The following TEAD1 variants were observed in gnomAD, a reference collection of about 807,000 sequenced individuals.
TEAD1 encodes the protein transcriptional enhancer factor TEF-1.
TEAD1 carries 9 observed loss-of-function variants against 54.9 expected under a neutral mutation model. That is an observed-to-expected ratio of 0.16 (90% confidence interval 0.10 to 0.29). TEAD1 has a LOEUF of 0.29. Among genes scored for constraint, TEAD1 ranks in the 10% least tolerant of loss-of-function variants. TEAD1 has a pLI of 1.00. For synonymous variants in TEAD1, 200 were observed against 187.8 expected (o/e 1.07, Z -0.53); for missense variants, 387 against 535.9 (o/e 0.72, Z 2.74).
intron 2 of TEAD1, among the ~76,000 whole-genome samples, chr11:12,716,830 C>G (rs1196625287): frequency 1.3e-5 from 2 of 152,360 alleles, no homozygotes; most frequent in Admixed American, 1.3e-4. Context: ...GGCCTGTGAG[C>G]CATGGTTTGC....
At position 12,913,300 on chromosome 11, in the gene TEAD1, G is replaced by T. The variant is rs984985579; in HGVS notation, c.873+11187G>T. Among the ~76,000 whole-genome samples, 8 of 152,090 alleles carry T rather than the reference G, an allele frequency of 5.3e-5. No homozygotes were observed. In the South Asian group the frequency reaches 8.3e-4, roughly 16 times the overall value. On this transcript the variant is annotated intron_variant, in intron 10 of 12. Transcript: ENST00000527636. ...TTTTTAAATTAAAAAAGTGATGCAG[G>T]TTTGTTATGAATAGTTTGAGCAGTT...
Position 12,936,120 on chromosome 11 carries a change from CAG to C in TEAD1, c.1168-986_1168-985del, listed in dbSNP as rs1949095178. On this transcript the variant is annotated intron_variant, in intron 12 of 12. Coordinates refer to ENST00000527636, the MANE Select transcript of TEAD1 (RefSeq NM_021961.6). ...TTGGCGTAATCAAACACAAAAGTAACAGAGTCACTGACGCGTTTCATGTTTTT... is the reference window on the plus strand; with the variant it reads ...TTGGCGTAATCAAACACAAAAGTAACAGTCACTGACGCGTTTCATGTTTTT... Among the ~76,000 whole-genome samples the C allele has an allele frequency of 2.6e-5, 4 of 152,134 alleles. No individual in the cohort carries two copies. The South Asian group carries it at 6.2e-4, about 24-fold the overall frequency.
chr11:12,803,025 C>A (rs1590166747), intron 3 of TEAD1, among the ~76,000 whole-genome samples: 4 of 152,162 alleles, frequency 2.6e-5, no homozygotes, highest in Admixed American at 2.6e-4. Flanking sequence ...GCCGAGGAGA[C>A]TTCTCTCTAC....
intron 11 of TEAD1, among the ~76,000 whole-genome samples, chr11:12,925,335 G>A (rs1371763): frequency 0.47 from 71,224 of 152,016 alleles, 18,794 homozygotes; most frequent in South Asian, 0.65. Flanking sequence ...AGCAAGGCAC[G>A]TCTTCTCATG....
At chr11:12,682,995 A>G (rs1943255466) in intron 2 of TEAD1, among the ~76,000 whole-genome samples, 1 of 152,176 alleles carries the variant, frequency 6.6e-6, no homozygotes, top group South Asian at 2.1e-4. Flanking sequence ...TGTGGAGTGA[A>G]TGCAGCGGAG....
At chr11:12,839,970 T>C (rs12421067) in intron 3 of TEAD1, among the ~76,000 whole-genome samples, 6 of 151,798 alleles carry the variant, frequency 4.0e-5, no homozygotes, top group Admixed American at 2.0e-4. Context: ...GAAACGGGCC[T>C]GGCGCGGTGG....
intron 5 of TEAD1, among the ~76,000 whole-genome samples, chr11:12,875,492 A>G (rs1467702570): frequency 6.6e-6 from 1 of 152,228 alleles, no homozygotes; most frequent in African/African-American, 2.4e-5. Flanking sequence ...ATTTCAAGAT[A>G]TCCCTGGTGG....
intron 2 of TEAD1, among the ~76,000 whole-genome samples, chr11:12,737,315 A>G (rs1297226075): frequency 1.4e-5 from 2 of 140,916 alleles, no homozygotes; most frequent in African/African-American, 2.8e-5. Context: ...ACTAAAATCA[A>G]TGAAAGACTA....
At chr11:12,728,207 G>A (rs551491695) in intron 2 of TEAD1, among the ~76,000 whole-genome samples, 3 of 152,280 alleles carry the variant, frequency 2.0e-5, no homozygotes, top group East Asian at 3.9e-4. Flanking sequence ...AGCAAAGGAG[G>A]GAGCTAAGGG....
chr11:12,760,472 C>T (rs1945077614), intron 2 of TEAD1, among the ~76,000 whole-genome samples: 1 of 152,168 alleles, frequency 6.6e-6, no homozygotes. Flanking sequence ...ATATTCCCCT[C>T]CCTTCCTCTC....
chr11:12,738,075 A>G (rs913019998), intron 2 of TEAD1, among the ~76,000 whole-genome samples: 2 of 152,202 alleles, frequency 1.3e-5, no homozygotes, highest in Non-Finnish European at 2.9e-5. Flanking sequence ...TGCCCCCATG[A>G]TTCACTTATC....
intron 3 of TEAD1, among the ~76,000 whole-genome samples, chr11:12,797,492 ACC>A (rs1305320072): frequency 6.6e-6 from 1 of 150,818 alleles, no homozygotes; most frequent in African/African-American, 2.4e-5. Context: ...CTGGTGTGCC[ACC>A]CACCCCATCC....
At chr11:12,716,064 C>T (rs954767656) in intron 2 of TEAD1, among the ~76,000 whole-genome samples, 1 of 151,886 alleles carries the variant, frequency 6.6e-6, no homozygotes, top group East Asian at 1.9e-4. Flanking sequence ...ATGAACAGAC[C>T]TCACAGAGAG....
intron 3 of TEAD1, among the ~76,000 whole-genome samples, chr11:12,837,998 T>C (rs1216038101): frequency 6.6e-6 from 1 of 152,060 alleles, no homozygotes; most frequent in Non-Finnish European, 1.5e-5. Flanking sequence ...GTTTTCACCA[T>C]GTTGGCCAGG....
Position 12,937,795 on chromosome 11 carries a change from C to CT in TEAD1, c.*582dup, listed in dbSNP as rs905683372. On this transcript the variant is annotated 3_prime_UTR_variant, in exon 13 of 13. Coordinates refer to ENST00000527636, the MANE Select transcript of TEAD1 (RefSeq NM_021961.6). The stretch of plus-strand genomic sequence containing the variant: ...CACTAAATTATTTTTTAAATGAAAC[C>CT]TTTTTTTTTCTTTTTGAAACCAAAT... The CT allele has an allele frequency of 5.6e-4, 85 of 151,368 alleles. 1 individual carries two copies. Among genetic ancestry groups the CT allele is most frequent in the African/African-American group, 1.7e-3 (68 of 41,118 alleles). The allele number at this position is 151,368 out of a possible 1,614,324, so 9.4% of individuals were successfully genotyped here. A position where few individuals can be genotyped will look rare whatever the true frequency, so the allele number is the denominator to read the frequency against.
intron 2 of TEAD1, among the ~76,000 whole-genome samples, chr11:12,747,048 CCAGTGAGTCTCTTTTATCT>C (rs1199695047): frequency 1.2e-4 from 19 of 152,200 alleles, no homozygotes; most frequent in Non-Finnish European, 2.1e-4. Context: ...GGTTTTGAGG[CCAGTGAGTCTCTTTTATCT>C]CACTCTGTGG....
At chr11:12,734,709 C>T (rs1195940047) in intron 2 of TEAD1, among the ~76,000 whole-genome samples, 1 of 152,124 alleles carries the variant, frequency 6.6e-6, no homozygotes, top group African/African-American at 2.4e-5. Flanking sequence ...TAGTAATATG[C>T]CGTACAGATC....
intron 3 of TEAD1, among the ~76,000 whole-genome samples, chr11:12,841,126 T>C (rs1351740139): frequency 6.6e-6 from 1 of 152,164 alleles, no homozygotes; most frequent in African/African-American, 2.4e-5. Flanking sequence ...CCAGATTTAT[T>C]CATAGGTGAA....
intron 9 of TEAD1, among the ~76,000 whole-genome samples, chr11:12,901,735 C>G (rs1948429350): frequency 6.6e-6 from 1 of 152,240 alleles, no homozygotes; most frequent in East Asian, 1.9e-4. Flanking sequence ...AATATATGCC[C>G]TTGTCAGTAA....
Sources: allele counts gnomAD v4.1 joint callset (sites outside exome capture counted in the v4.1 genomes callset), GRCh38; gene constraint gnomAD v4.1.1; transcripts MANE v1.5; gene names NCBI Gene and HGNC (gene_info 2026-07-23, HGNC 2026-07-21).